The following NBPF4 variants were observed in gnomAD, a reference collection of about 807,000 sequenced individuals.
NBPF4 encodes NBPF family member NBPF4.
NBPF4 carries 11 observed loss-of-function variants against 21.1 expected under a neutral mutation model. That is an observed-to-expected ratio of 0.52 (90% CI 0.33 to 0.86). The LOEUF (loss-of-function observed/expected upper bound fraction) is 0.86. NBPF4 is among the 40% of genes least tolerant of loss of function. The pLI is 0.03. For synonymous variants in NBPF4, 47 were observed against 106.4 expected (o/e 0.44, Z 3.43); for missense variants, 88 against 265.3 (o/e 0.33, Z 4.64).
chr1:108,234,694 G>C (rs868014846), intron 9 of NBPF4, among the ~76,000 whole-genome samples: 3 of 13,150 alleles, frequency 2.3e-4, no homozygotes, highest in South Asian at 0.021. Flanking sequence ...GTATGGTAGA[G>C]TCGTGACTTA....
At chr1:108,246,321 T>C (rs143134829), upstream of NBPF4, among the ~76,000 whole-genome samples, 533 of 124,962 alleles carry the variant, frequency 4.3e-3, 72 homozygotes, top group African/African-American at 0.015. Context: ...TATGTATAGA[T>C]ACAATATGTA....
chr1:108,246,302 C>T (rs1866807), upstream of NBPF4, among the ~76,000 whole-genome samples: 9 of 126,942 alleles, frequency 7.1e-5, 2 homozygotes, highest in African/African-American at 1.7e-4. Flanking sequence ...TCAGATACAA[C>T]ATATATTTTA....
upstream of NBPF4, among the ~76,000 whole-genome samples, chr1:108,246,040 A>T (rs1323814659): frequency 8.6e-6 from 1 of 115,946 alleles, no homozygotes; most frequent in Non-Finnish European, 1.8e-5. Context: ...TTGAGTACCA[A>T]TGATTCTCAT....
chr1:108,258,746 G>A, the NBPF4 span, among the ~76,000 whole-genome samples: 1 of 110,620 alleles, frequency 9.0e-6, no homozygotes, highest in Non-Finnish European at 1.8e-5. Context: ...AGTTGATGAG[G>A]CTTCCCATGT....
chr1:108,258,240 G>T, the NBPF4 span, among the ~76,000 whole-genome samples: 1 of 130,316 alleles, frequency 7.7e-6, no homozygotes, highest in Non-Finnish European at 1.6e-5. Context: ...TTATAGATCA[G>T]ATTGGGGAAA....
chr1:108,258,680 T>G, the NBPF4 span, among the ~76,000 whole-genome samples: 1 of 120,184 alleles, frequency 8.3e-6, no homozygotes, highest in African/African-American at 3.3e-5. Flanking sequence ...TGTGGACCAA[T>G]GCATGTGAAA....
At chr1:108,256,918 C>A in the NBPF4 span, among the ~76,000 whole-genome samples, 1 of 144,700 alleles carries the variant, frequency 6.9e-6, no homozygotes, top group Admixed American at 7.1e-5. Flanking sequence ...CTGTGCCCAG[C>A]CAATGTAGGC....
the NBPF4 span, among the ~76,000 whole-genome samples, chr1:108,250,685 GT>G: frequency 7.7e-6 from 1 of 129,444 alleles, no homozygotes; most frequent in Non-Finnish European, 1.6e-5. Flanking sequence ...AGCTATGGCA[GT>G]TTTAAAATAA....
At chr1:108,268,479 T>G in the NBPF4 span, among the ~76,000 whole-genome samples, 7 of 152,050 alleles carry the variant, frequency 4.6e-5, no homozygotes, top group Admixed American at 6.6e-5. Flanking sequence ...TTCCAAGAAA[T>G]TCCATGGCAA....
the NBPF4 span, among the ~76,000 whole-genome samples, chr1:108,257,767 T>C: frequency 7.8e-4 from 84 of 107,280 alleles, no homozygotes; most frequent in Admixed American, 1.6e-3. Context: ...CTTTTCTTTT[T>C]TTTTTTTTTT....
In NBPF4 at chr1:108,229,115, C is replaced by A; in HGVS notation, c.1465G>T (p.Asp489Tyr). 1.9e-6 allele frequency: 3 copies of A among 1,551,032 alleles called. No homozygotes were observed. The highest frequency in any genetic ancestry group is 2.6e-6 in the Non-Finnish European group (3 of 1,146,510). Residue 489 changes from aspartate (D) to tyrosine (Y), a missense_variant, in exon 13 of 15, where the codon GAC (aspartate) becomes TAC (tyrosine). Physicochemically the swap from Asp to Tyr is radical, Grantham distance 160. Around this residue, in one of 4 missense-constraint regions of NBPF4, gnomAD observed 60 missense variants for 86.5 expected, o/e 0.69. Transcript: ENST00000415641. ...AACPQGTWSG[D>Y]LSHHQSEVQV... ...ACCTCTGACTGGTGGTGGCTCAAGT[C>A]TCCACTCCAAGTCCCTTGGGGACAG... is the stretch of plus-strand genomic sequence containing the variant.
rs576264907 is a variant in NBPF4 at position 108,226,778 on chromosome 1, G to C, written c.1776C>G (p.Ala592=). ...TGGTCTTCAGTATCAGGACAAGGGA[G>C]GCACGAATCCGGCCAGTGACTTGAC... ...QGRQVTGRIR[A]SLVLILKTIR... is the part of the protein sequence containing the mutation. The change falls in exon 14 of 15, where the codon GCC becomes GCG. Residue 592 remains alanine, a synonymous_variant. Coordinates refer to ENST00000415641, the MANE Select transcript of NBPF4 (RefSeq NM_001143989.3). 3.3e-4 allele frequency: 480 copies of C among 1,437,546 alleles called. 7 individuals carry two copies. The East Asian group carries it at 0.012, about 36-fold the overall frequency. 89.0% of individuals were successfully genotyped at this position (1,437,546 alleles called of 1,614,324 possible).
At chr1:108,245,977 A>T (rs1488883107), upstream of NBPF4, among the ~76,000 whole-genome samples, 6 of 111,192 alleles carry the variant, frequency 5.4e-5, 3 homozygotes, top group African/African-American at 7.5e-5. Flanking sequence ...TGGAATATAC[A>T]GAGAAATATG....
chr1:108,246,003 C>T (rs534799436), upstream of NBPF4, among the ~76,000 whole-genome samples: 2 of 115,716 alleles, frequency 1.7e-5, 1 homozygote, highest in African/African-American at 6.7e-5. Context: ...TGGGTCTTCC[C>T]CTGGCTGTAT....
the NBPF4 span, among the ~76,000 whole-genome samples, chr1:108,257,927 T>G: frequency 1.4e-5 from 2 of 142,904 alleles, no homozygotes; most frequent in Admixed American, 7.1e-5. Context: ...TTTTCGTGCT[T>G]TTAGTAGAGA....
chr1:108,224,393 C>G (rs1649408800), intron 14 of NBPF4, among the ~76,000 whole-genome samples: 1 of 109,670 alleles, frequency 9.1e-6, no homozygotes, highest in Non-Finnish European at 1.8e-5. Flanking sequence ...AGGAAAGGCT[C>G]CAATCTGGAG....
upstream of NBPF4, among the ~76,000 whole-genome samples, chr1:108,244,901 G>GATATATATAT (rs1173565670): frequency 9.5e-3 from 118 of 12,400 alleles, 1 homozygote; most frequent in Non-Finnish European, 0.013. Context: ...TATTGTTGGA[G>GATATATATAT]ATATATATAT....
chr1:108,226,571 A>C (rs1457484194), intron 14 of NBPF4, 108 bp downstream of exon 14: 12 of 850,730 alleles, frequency 1.4e-5, no homozygotes, highest in Non-Finnish European at 2.0e-5. Context: ...AGGTTAGAGC[A>C]GCTGTTGGAG....
At chr1:108,256,237 TTC>T in the NBPF4 span, among the ~76,000 whole-genome samples, 2 of 148,788 alleles carry the variant, frequency 1.3e-5, no homozygotes, top group African/African-American at 5.0e-5. Flanking sequence ...TATTTGACTC[TTC>T]TCTTTTTTTC....
Sources: allele counts gnomAD v4.1 joint callset (sites outside exome capture counted in the v4.1 genomes callset), GRCh38; gene constraint gnomAD v4.1.1; regional missense constraint gnomAD v4.1.1; transcripts MANE v1.5; gene names NCBI Gene and HGNC (gene_info 2026-07-23, HGNC 2026-07-21).